Variants in CHLSN observed in about 807,000 individuals in gnomAD.
CHLSN encodes the protein protein cholesin.
At chr7:986,695 G>C in the CHLSN span, 2 of 1,612,470 alleles carry the variant, frequency 1.2e-6, no homozygotes, top group Admixed American at 3.3e-5. Flanking sequence ...AGATCGAGGA[G>C]GTCCGTGCCA....
chr7:1,021,923 C>T, the CHLSN span, among the ~76,000 whole-genome samples: 1 of 152,190 alleles, frequency 6.6e-6, no homozygotes. Context: ...GCACCCAGGG[C>T]AGCTCCCTCG....
chr7:985,234 C>T, the CHLSN span: 32 of 1,553,010 alleles, frequency 2.1e-5, no homozygotes, highest in Middle Eastern at 1.7e-4. Flanking sequence ...CCTCTTCGGC[C>T]GCCGATTTGA....
At chr7:1,064,504 C>T in the CHLSN span, among the ~76,000 whole-genome samples, 1 of 152,292 alleles carries the variant, frequency 6.6e-6, no homozygotes, top group South Asian at 2.1e-4. Context: ...TGACCCTGAG[C>T]TTCCCACAGC....
At chr7:1,072,676 C>CTTTTTTT in the CHLSN span, among the ~76,000 whole-genome samples, 10 of 110,304 alleles carry the variant, frequency 9.1e-5, no homozygotes, top group East Asian at 2.7e-4. Context: ...CTTTTCTTTC[C>CTTTTTTT]TTTTTTTTTT....
At chr7:1,136,301 T>A in the CHLSN span, among the ~76,000 whole-genome samples, 2 of 116,450 alleles carry the variant, frequency 1.7e-5, no homozygotes, top group Non-Finnish European at 1.6e-5. Flanking sequence ...TATATAAACA[T>A]ATATAAATAT....
At chr7:1,091,332 G>A in the CHLSN span, 2 of 177,586 alleles carry the variant, frequency 1.1e-5, no homozygotes, top group South Asian at 3.3e-4. Context: ...ACAGACACCC[G>A]GCCAGGGGAG....
the CHLSN span, among the ~76,000 whole-genome samples, chr7:1,033,214 T>C: frequency 6.6e-6 from 1 of 152,168 alleles, no homozygotes; most frequent in Non-Finnish European, 1.5e-5. Context: ...TCACACACCA[T>C]GCATGACAAG....
the CHLSN span, among the ~76,000 whole-genome samples, chr7:993,359 TGCAGGGACAG>T: frequency 1.1e-4 from 17 of 152,126 alleles, no homozygotes; most frequent in East Asian, 3.9e-4. Flanking sequence ...ACCTGATCTG[TGCAGGGACAG>T]GCAGGGACAG....
At chr7:1,135,925 A>G in the CHLSN span, among the ~76,000 whole-genome samples, 2 of 124,760 alleles carry the variant, frequency 1.6e-5, no homozygotes, top group African/African-American at 6.9e-5. Context: ...ATATAAGTAT[A>G]TATAAATATA....
chr7:1,132,215 A>G, the CHLSN span, among the ~76,000 whole-genome samples: 1 of 152,250 alleles, frequency 6.6e-6, no homozygotes, highest in African/African-American at 2.4e-5. Flanking sequence ...TTGGACTACA[A>G]CAAAATTTAA....
At chr7:1,047,004 CA>C in the CHLSN span, among the ~76,000 whole-genome samples, 1 of 152,230 alleles carries the variant, frequency 6.6e-6, no homozygotes, top group Non-Finnish European at 1.5e-5. Context: ...CCAGAGTCTG[CA>C]GTAGAGACTC....
At chr7:1,016,412 G>C in the CHLSN span, among the ~76,000 whole-genome samples, 5 of 40,136 alleles carry the variant, frequency 1.2e-4, no homozygotes, top group East Asian at 1.3e-3. Flanking sequence ...GCAGCACACA[G>C]CAGCGCACGC....
chr7:1,031,361 C>G, the CHLSN span, among the ~76,000 whole-genome samples: 1 of 148,522 alleles, frequency 6.7e-6, no homozygotes, highest in African/African-American at 2.5e-5. Context: ...TGGGCAGAGA[C>G]CAGAGACCTG....
At chr7:1,059,212 C>T in the CHLSN span, 1 of 167,134 alleles carries the variant, frequency 6.0e-6, no homozygotes, top group Admixed American at 6.5e-5. Flanking sequence ...TAAATCAATT[C>T]CTCAAAGTGT....
chr7:1,044,499 G>T, the CHLSN span: 1 of 152,138 alleles, frequency 6.6e-6, no homozygotes, highest in Non-Finnish European at 1.5e-5. Flanking sequence ...AAGGCTGGGG[G>T]CGGGGCCAGG....
the CHLSN span, among the ~76,000 whole-genome samples, chr7:1,008,852 T>TAAACACACGC: frequency 2.1e-5 from 3 of 145,492 alleles, no homozygotes; most frequent in Non-Finnish European, 4.5e-5. Flanking sequence ...CGCACACACG[T>TAAACACACGC]AAACACACGC....
chr7:1,018,163 A>T, the CHLSN span, among the ~76,000 whole-genome samples: 40 of 152,268 alleles, frequency 2.6e-4, no homozygotes, highest in African/African-American at 7.5e-4. Flanking sequence ...ACCAGCTCCC[A>T]CCAGGCAGGA....
the CHLSN span, among the ~76,000 whole-genome samples, chr7:1,130,975 C>T: frequency 2.6e-5 from 4 of 152,134 alleles, no homozygotes; most frequent in African/African-American, 9.7e-5. Flanking sequence ...ACTGCTTGAG[C>T]CCAGGAGTTT....
the CHLSN span, among the ~76,000 whole-genome samples, chr7:1,133,614 C>A: frequency 5.9e-4 from 90 of 151,412 alleles, no homozygotes; most frequent in African/African-American, 2.0e-3. Context: ...ATTAGCCGGG[C>A]GTGGTGGCAG....
Sources: allele counts gnomAD v4.1 joint callset (sites outside exome capture counted in the v4.1 genomes callset), GRCh38; gene constraint gnomAD v4.1.1; transcripts MANE v1.5; gene names NCBI Gene and HGNC (gene_info 2026-07-23, HGNC 2026-07-21).